SULF1: variants seen among roughly 807,000 people sequenced by gnomAD.
SULF1 encodes sulfatase 1, also known as extracellular sulfatase Sulf-1.
SULF1 carries 46 observed loss-of-function variants against 110.5 expected under a neutral mutation model. The ratio of observed to expected loss-of-function variants is 0.42; its 90% CI spans 0.33 to 0.53. The LOEUF is 0.53. SULF1 is among the 20% of genes least tolerant of loss of function. SULF1 has a pLI of 0.12. For missense variants in SULF1, 941 were observed against 1,094.2 expected, an observed-to-expected ratio of 0.86 and a Z score of 1.98; for synonymous variants, 371 against 387.1, an observed-to-expected ratio of 0.96 and a Z score of 0.49.
intron 13 of SULF1, among the ~76,000 whole-genome samples, chr8:69,612,796 T>C (rs777624426): frequency 3.3e-5 from 5 of 152,254 alleles, no homozygotes; most frequent in Non-Finnish European, 5.9e-5. Context: ...TCTCCCACTC[T>C]GTGGGTTGTC....
intron 3 of SULF1, among the ~76,000 whole-genome samples, chr8:69,527,192 G>A (rs1192408230): frequency 6.6e-6 from 1 of 152,066 alleles, no homozygotes; most frequent in Non-Finnish European, 1.5e-5. Flanking sequence ...ATAATTGCAT[G>A]TGCAAAAGTA....
chr8:69,623,874 G>A, intron 14 of SULF1, 68 bp from the exon 15 acceptor site: 1 of 1,545,438 alleles, frequency 6.5e-7, no homozygotes, highest in Non-Finnish European at 8.8e-7. Context: ...TCTGGACCAG[G>A]TGATCACTTT....
chr8:69,594,602 C>T (rs1476539213), intron 8 of SULF1, among the ~76,000 whole-genome samples: 1 of 152,054 alleles, frequency 6.6e-6, no homozygotes, highest in African/African-American at 2.4e-5. Context: ...CCTTTGTTAT[C>T]TAAAGCTGGA....
At chr8:69,575,918 AG>A in intron 5 of SULF1, 51 bp from the exon 6 acceptor site, 1 of 1,590,088 alleles carries the variant, frequency 6.3e-7, no homozygotes, top group South Asian at 1.2e-5. Flanking sequence ...CAATCGAAAT[AG>A]GCATTCATGT....
intron 13 of SULF1, among the ~76,000 whole-genome samples, chr8:69,619,215 CAAT>C (rs1461459049): frequency 6.6e-6 from 1 of 151,750 alleles, no homozygotes; most frequent in African/African-American, 2.4e-5. Context: ...TGAACAAAAA[CAAT>C]AAAGGATAAA....
chr8:69,657,040 T>C (rs1812786975), intron 22 of SULF1, among the ~76,000 whole-genome samples: 2 of 152,238 alleles, frequency 1.3e-5, no homozygotes, highest in South Asian at 4.1e-4. Flanking sequence ...TGGTATCTCA[T>C]TGTTCTACTT....
intron 13 of SULF1, among the ~76,000 whole-genome samples, chr8:69,620,659 C>G (rs1586568290): frequency 6.6e-6 from 1 of 152,172 alleles, no homozygotes; most frequent in Non-Finnish European, 1.5e-5. Flanking sequence ...TTTTCCAGAG[C>G]AAGAGGGGTC....
At chr8:69,521,958 G>C (rs572917783) in intron 3 of SULF1, among the ~76,000 whole-genome samples, 1 of 151,488 alleles carries the variant, frequency 6.6e-6, no homozygotes, top group Non-Finnish European at 1.5e-5. Context: ...TTTGAAGATA[G>C]AGCCAACAGT....
intron 5 of SULF1, among the ~76,000 whole-genome samples, chr8:69,574,778 CA>C (rs1210201578): frequency 2.6e-5 from 4 of 152,160 alleles, no homozygotes; most frequent in Admixed American, 2.0e-4. Flanking sequence ...AGAGAAAGAG[CA>C]GTTAGGATTG....
chr8:69,655,168 C>A (rs1017023760), intron 22 of SULF1, among the ~76,000 whole-genome samples: 1 of 152,220 alleles, frequency 6.6e-6, no homozygotes, highest in Non-Finnish European at 1.5e-5. Context: ...ATCCACTTAC[C>A]AGCTATGCAT....
At position 69,600,693 on chromosome 8, in the gene SULF1, A is replaced by C. The variant is rs774127225; in HGVS notation, c.825A>C (p.Thr275=). 2 of 1,613,994 alleles carry C rather than the reference A, an allele frequency of 1.2e-6. No individual in the cohort carries two copies. Among genetic ancestry groups the C allele is most frequent in the African/African-American group, 2.7e-5 (2 of 74,926 alleles). Residue 275 remains threonine, a synonymous_variant, in exon 9 of 23, where the codon ACA becomes ACC. Coordinates refer to ENST00000402687, the MANE Select transcript of SULF1 (RefSeq NM_001128205.2). ...TGCTGCCCATCCACATGGAATTTAC[A>C]AACATTCTACAGCGCAAAAGGCTCC... The part of the protein sequence containing the change: ...GPMLPIHMEF[T]NILQRKRLQT...
At chr8:69,574,438 A>G (rs1488375076) in intron 5 of SULF1, among the ~76,000 whole-genome samples, 3 of 151,916 alleles carry the variant, frequency 2.0e-5, no homozygotes, top group Admixed American at 2.0e-4. Flanking sequence ...CTTTTTTTCC[A>G]TCTGTCCTCA....
At chr8:69,532,722 A>C (rs568721187) in intron 3 of SULF1, among the ~76,000 whole-genome samples, 37 of 152,282 alleles carry the variant, frequency 2.4e-4, no homozygotes, top group Non-Finnish European at 4.9e-4. Flanking sequence ...TACCATCTTG[A>C]ACTTTATTAG....
intron 22 of SULF1, among the ~76,000 whole-genome samples, chr8:69,653,057 T>C (rs1293561367): frequency 6.6e-6 from 1 of 152,218 alleles, no homozygotes; most frequent in Non-Finnish European, 1.5e-5. Context: ...CACTGAGGTC[T>C]GCAAAGTAGT....
intron 1 of SULF1, among the ~76,000 whole-genome samples, chr8:69,481,410 A>G (rs1179693319): frequency 6.6e-6 from 1 of 152,084 alleles, no homozygotes; most frequent in Non-Finnish European, 1.5e-5. Flanking sequence ...TTATTTTTTG[A>G]TCCATAAGAA....
At chr8:69,609,884 C>T (rs7005314) in intron 13 of SULF1, among the ~76,000 whole-genome samples, 49,308 of 152,066 alleles carry the variant, frequency 0.32, 8,287 homozygotes, top group South Asian at 0.38. Flanking sequence ...ATGATTCCTA[C>T]GTGCAGACAA....
At chr8:69,653,361 C>A (rs1468640871) in intron 22 of SULF1, among the ~76,000 whole-genome samples, 1 of 152,214 alleles carries the variant, frequency 6.6e-6, no homozygotes, top group Non-Finnish European at 1.5e-5. Context: ...TGAGCCACAT[C>A]TCTTGTGTTT....
chr8:69,612,746 G>C (rs761605814), intron 13 of SULF1, among the ~76,000 whole-genome samples: 2 of 152,112 alleles, frequency 1.3e-5, no homozygotes, highest in African/African-American at 2.4e-5. Flanking sequence ...GTAGATTCTG[G>C]ATATTAGTCC....
intron 3 of SULF1, among the ~76,000 whole-genome samples, chr8:69,519,075 C>G (rs1812118069): frequency 6.6e-6 from 1 of 152,170 alleles, no homozygotes; most frequent in Non-Finnish European, 1.5e-5. Context: ...TGTTCAATGT[C>G]TGAGAGTTGC....
Sources: allele counts gnomAD v4.1 joint callset (sites outside exome capture counted in the v4.1 genomes callset), GRCh38; gene constraint gnomAD v4.1.1; transcripts MANE v1.5; gene names NCBI Gene and HGNC (gene_info 2026-07-23, HGNC 2026-07-21).